Variants in DNAH17 observed in about 807,000 individuals in gnomAD.
DNAH17 encodes dynein axonemal heavy chain 17.
Under a neutral mutation model 485.6 loss-of-function variants are expected in DNAH17, and 376 were observed. That is an observed-to-expected ratio of 0.77 (90% CI 0.71 to 0.84). The LOEUF (loss-of-function observed/expected upper bound fraction) is 0.84. Among genes scored for constraint, DNAH17 ranks in the 40% least tolerant of loss-of-function variants. The pLI is 0.00. For synonymous variants in DNAH17, 3,031 were observed against 2,405.9 expected (o/e 1.26, Z -7.60); for missense variants, 6,370 against 5,839.3 (o/e 1.09, Z -2.96).
chr17:78,502,846 T>G, intron 32 of DNAH17, 40 bp downstream of exon 32: 1 of 1,604,460 alleles, frequency 6.2e-7, no homozygotes. Flanking sequence ...GCCCCTTATC[T>G]CAGCCACGAG....
intron 19 of DNAH17, 134 bp downstream of exon 19, chr17:78,537,165 G>A (rs2091398461): frequency 4.8e-6 from 5 of 1,032,460 alleles, no homozygotes; most frequent in African/African-American, 1.8e-5. Flanking sequence ...GCGACAGAGT[G>A]AGATTCCGTC....
chr17:78,547,475 A>T (rs2091793827), intron 16 of DNAH17, among the ~76,000 whole-genome samples: 1 of 152,180 alleles, frequency 6.6e-6, no homozygotes, highest in Non-Finnish European at 1.5e-5. Flanking sequence ...TTGGGATTGT[A>T]AACTTTGGTC....
chr17:78,548,268 G>A (rs186013325), intron 16 of DNAH17, among the ~76,000 whole-genome samples: 6 of 134,030 alleles, frequency 4.5e-5, no homozygotes, highest in Middle Eastern at 9.0e-3. Flanking sequence ...GCAGTGGCAC[G>A]ATCTCGGCTC....
In DNAH17 at chr17:78,561,800, G is replaced by C. The variant is rs776828470; in HGVS notation, c.1750C>G (p.Pro584Ala). 2 of 1,613,838 alleles carry C rather than the reference G, an allele frequency of 1.2e-6. No individual in the cohort carries two copies. The highest frequency in any genetic ancestry group is 4.5e-5 in the East Asian group (2 of 44,876). ...NIPLIHKNMP[P>A]VAGQLKWSLE... Reference sequence around the variant, plus strand: ...CTCCATTTGAGCTGCCCGGCCACGGGAGGCATGTTTTTGTGGATCAGGGGG... The same window carrying C: ...CTCCATTTGAGCTGCCCGGCCACGGCAGGCATGTTTTTGTGGATCAGGGGG... Residue 584 changes from proline to alanine, a missense_variant, in exon 12 of 81, where the codon CCC (proline) becomes GCC (alanine). Pro to Ala is a conservative substitution (Grantham distance 27). Coordinates refer to ENST00000389840, the MANE Select transcript of DNAH17 (RefSeq NM_173628.4).
At chr17:78,528,839 C>T (rs1283307878) in intron 22 of DNAH17, among the ~76,000 whole-genome samples, 1 of 152,132 alleles carries the variant, frequency 6.6e-6, no homozygotes, top group Non-Finnish European at 1.5e-5. Flanking sequence ...CTGCCTAATC[C>T]CTCCCCAGGG....
intron 49 of DNAH17, 73 bp from the exon 50 acceptor site, chr17:78,479,705 G>T: frequency 1.9e-6 from 3 of 1,590,796 alleles, no homozygotes. Flanking sequence ...CCACCTTCGC[G>T]GGAGAGTGGC....
At position 78,495,908 on chromosome 17, in the gene DNAH17, G is replaced by A. The variant is rs759853924; in HGVS notation, c.5870C>T (p.Ala1957Val). 37 of 1,613,840 alleles carry A rather than the reference G, an allele frequency of 2.3e-5. No individual in the cohort carries two copies. The highest frequency in any genetic ancestry group is 4.0e-5 in the African/African-American group (3 of 75,024). Reference sequence around the variant, plus strand: ...GGCTTTTAGGTTCTCAGGCAGCTCCGCGCGTCCGGCGTACCCAGGGTTCAT... The same window carrying A: ...GGCTTTTAGGTTCTCAGGCAGCTCCACGCGTCCGGCGTACCCAGGGTTCAT... Reference protein sequence around the residue: ...ITMNPGYAGRAELPENLKALF... With the variant: ...ITMNPGYAGRVELPENLKALF... The change falls in exon 38 of 81, where the codon GCG (alanine) becomes GTG (valine). Residue 1957 changes from alanine (A) to valine (V), a missense_variant. Coordinates refer to ENST00000389840, the MANE Select transcript of DNAH17 (RefSeq NM_173628.4).
chr17:78,561,988 C>T lies in DNAH17; in HGVS notation c.1570-8G>A, dbSNP rs903967250. Reference sequence around the variant, plus strand: ...CCCACACATGTACAGGAGCTGAGGACAAAGGAGAAGGGGGCCTCTTCACCA... The same window carrying T: ...CCCACACATGTACAGGAGCTGAGGATAAAGGAGAAGGGGGCCTCTTCACCA... On this transcript the variant is annotated splice_region_variant and splice_polypyrimidine_tract_variant and intron_variant, in intron 11 of 80. Coordinates refer to ENST00000389840, the MANE Select transcript of DNAH17 (RefSeq NM_173628.4). 1.3e-6 allele frequency: 2 copies of T among 1,572,150 alleles called. No homozygotes were observed. The highest frequency in any genetic ancestry group is 2.7e-5 in the African/African-American group (2 of 73,454).
chr17:78,486,646 G>C, intron 44 of DNAH17, 140 bp from the exon 45 acceptor site: 1 of 1,117,928 alleles, frequency 8.9e-7, no homozygotes, highest in Non-Finnish European at 1.2e-6. Flanking sequence ...ATGGCAATGG[G>C]TCCAAACGAG....
At chr17:78,556,832 A>C (rs2092033575) in intron 14 of DNAH17, among the ~76,000 whole-genome samples, 1 of 152,212 alleles carries the variant, frequency 6.6e-6, no homozygotes, top group Admixed American at 6.5e-5. Context: ...AAATTGACTC[A>C]CGTTTAAAAA....
chr17:78,506,784 C>A lies in DNAH17; in HGVS notation c.4739G>T (p.Arg1580Leu). The A allele has an allele frequency of 1.9e-6, 3 of 1,613,962 alleles. No homozygotes were observed. Among genetic ancestry groups the A allele is most frequent in the Non-Finnish European group, 2.5e-6 (3 of 1,179,878 alleles). The part of the protein sequence containing the change: ...YLETKRLAFP[R>L]FYFVSSADLL... ...GTCAGCCGAGGAGACAAAATAGAAC[C>A]GGGGGAAAGCCAGTCTTTTCGTCTC... The change falls in exon 30 of 81, where the codon CGG (arginine) becomes CTG (leucine). Residue 1580 changes from arginine (R) to leucine (L), a missense_variant. Coordinates refer to ENST00000389840, the MANE Select transcript of DNAH17 (RefSeq NM_173628.4).
At chr17:78,570,881 A>AT in intron 6 of DNAH17, 67 bp downstream of exon 6, 1 of 812,476 alleles carries the variant, frequency 1.2e-6, no homozygotes, top group Non-Finnish European at 1.8e-6. Flanking sequence ...AAAAAAAAGA[A>AT]AAAAGAAAAG....
intron 22 of DNAH17, among the ~76,000 whole-genome samples, chr17:78,528,025 C>A (rs566157690): frequency 3.3e-5 from 5 of 151,914 alleles, no homozygotes; most frequent in Non-Finnish European, 7.4e-5. Flanking sequence ...GTAATCTGCC[C>A]GCCTCGGCCT....
At chr17:78,543,309 A>T (rs899500617) in intron 17 of DNAH17, among the ~76,000 whole-genome samples, 2 of 133,482 alleles carry the variant, frequency 1.5e-5, no homozygotes, top group African/African-American at 3.0e-5. Context: ...TTTGAGACGG[A>T]GTCTCGCTCT....
chr17:78,430,570 T>C (rs1271583127), intron 75 of DNAH17, among the ~76,000 whole-genome samples: 2 of 152,180 alleles, frequency 1.3e-5, no homozygotes, highest in Non-Finnish European at 2.9e-5. Flanking sequence ...TATATACATA[T>C]GTATATATTT....
rs1395033126 is a variant in DNAH17, at chr17:78,500,470, G to C, written c.5484-9C>G. 3.2e-6 allele frequency: 5 copies of C among 1,561,602 alleles called. No homozygotes were observed. In the South Asian group the frequency reaches 5.9e-5, roughly 19 times the overall value. On this transcript the variant is annotated splice_polypyrimidine_tract_variant and intron_variant, in intron 35 of 80. Coordinates refer to ENST00000389840, the MANE Select transcript of DNAH17 (RefSeq NM_173628.4). The stretch of plus-strand genomic sequence containing the variant: ...TCAGGGTGATATAGCACCTGCAAGT[G>C]ACCACAGGTAAGCGTGTGTGCCAGC...
chr17:78,496,950 G>A (rs952012220), intron 37 of DNAH17: 3 of 152,376 alleles, frequency 2.0e-5, no homozygotes, highest in Middle Eastern at 3.4e-3. Flanking sequence ...GGGATTACAG[G>A]CGTGAGCCAC....
At position 78,436,106 on chromosome 17, in the gene DNAH17, T is replaced by G. The variant is rs561608894; in HGVS notation, c.12033+1535A>C. Among the ~76,000 whole-genome samples the G allele has an allele frequency of 1.4e-4, 22 of 152,278 alleles. No homozygotes were observed. The East Asian group carries it at 4.2e-3, about 29-fold the overall frequency. ...TTCATGGACCGATACACCCCATAAGTAGATCTTTGTTAAGTGTTATAGAAT... is the reference window on the plus strand; with the variant it reads ...TTCATGGACCGATACACCCCATAAGGAGATCTTTGTTAAGTGTTATAGAAT... On this transcript the variant is annotated intron_variant, in intron 74 of 80. Coordinates refer to ENST00000389840, the MANE Select transcript of DNAH17 (RefSeq NM_173628.4).
rs749447619 is a variant in DNAH17 at position 78,439,219 on chromosome 17, TAAAGA to T, written c.11678-7_11678-3del. ...CTATGGTAAACCCTAGTTTTTTTCC[TAAAGA>T]AAAGAAAAACAGGAAAAAAACACCA... On this transcript the variant is annotated splice_polypyrimidine_tract_variant and splice_region_variant and intron_variant, in intron 72 of 80. Coordinates refer to ENST00000389840, the MANE Select transcript of DNAH17 (RefSeq NM_173628.4). 3.7e-4 allele frequency: 585 copies of T among 1,596,888 alleles called. No homozygotes were observed. The highest frequency in any genetic ancestry group is 4.5e-4 in the Non-Finnish European group (531 of 1,172,774).
Sources: allele counts gnomAD v4.1 joint callset (sites outside exome capture counted in the v4.1 genomes callset), GRCh38; gene constraint gnomAD v4.1.1; transcripts MANE v1.5; gene names NCBI Gene and HGNC (gene_info 2026-07-23, HGNC 2026-07-21).